KARS1: variants seen among roughly 807,000 people sequenced by gnomAD.
The protein encoded by KARS1 is lysine--tRNA ligase.
Under a neutral mutation model 63.9 loss-of-function variants are expected in KARS1, and 50 were observed. The observed-to-expected ratio is 0.78, with a 90% CI of 0.62 to 0.99. The LOEUF (loss-of-function observed/expected upper bound fraction) is 0.99. Among genes scored for constraint, KARS1 ranks in the 50% least tolerant of loss-of-function variants. The pLI, the probability that KARS1 is intolerant of heterozygous loss-of-function variation, is 0.00. For synonymous variants in KARS1, 320 were observed against 264.6 expected (o/e 1.21, Z -2.03); for missense variants, 816 against 754.5 (o/e 1.08, Z -0.95).
In KARS1 at chr16:75,631,229, A is replaced by C. The variant is rs771325159; in HGVS notation, c.1277T>G (p.Ile426Ser). Residue 426 changes from isoleucine (I) to serine (S), a missense_variant, in exon 10 of 14, where the codon ATC becomes AGC. Ile to Ser is a moderately radical substitution (Grantham distance 142). Transcript: ENST00000302445. ...GCATTCAACAGCTTTTGCCACACAG[A>C]TATCATCAAGAATTTTGCGAGTTTC... is the stretch of plus-strand genomic sequence containing the variant. ...TEETRKILDD[I>S]CVAKAVECPP... 1 of 1,614,122 alleles carries C rather than the reference A, an allele frequency of 6.2e-7. No homozygotes were observed. Among genetic ancestry groups the C allele is most frequent in the East Asian group, 2.2e-5 (1 of 44,872 alleles).
intron 3 of KARS1, among the ~76,000 whole-genome samples, chr16:75,637,900 CAAAAA>C (rs11386229): frequency 1.1e-5 from 1 of 93,778 alleles, no homozygotes; most frequent in Non-Finnish European, 2.3e-5. Context: ...AAAAAGAGAC[CAAAAA>C]AAAAAAAAAA....
intron 6 of KARS1, among the ~76,000 whole-genome samples, chr16:75,634,668 T>A (rs570953443): frequency 7.6e-4 from 116 of 152,310 alleles, no homozygotes; most frequent in African/African-American, 2.7e-3. Context: ...CTCCGCCTCC[T>A]GGGTTCACAC....
intron 3 of KARS1, 139 bp downstream of exon 3, chr16:75,640,045 T>C (rs1033634764): frequency 1.5e-5 from 11 of 743,390 alleles, no homozygotes; most frequent in Non-Finnish European, 2.7e-5. Flanking sequence ...TGTATAGATA[T>C]AATGGCACTG....
At chr16:75,645,776 G>C (rs1329927407) in intron 1 of KARS1, among the ~76,000 whole-genome samples, 2 of 145,102 alleles carry the variant, frequency 1.4e-5, no homozygotes, top group African/African-American at 5.1e-5. Context: ...GAACCCGGGA[G>C]TTGCAAGTTG....
Position 75,634,119 on chromosome 16 carries a change from G to C in KARS1, c.915+54C>G, listed in dbSNP as rs534578327. 33 of 1,587,708 alleles carry C rather than the reference G, an allele frequency of 2.1e-5. No homozygotes were observed. The African/African-American group carries it at 4.4e-4, about 21-fold the overall frequency. ...TTCTGACTATACCCATCTAGCCAGT[G>C]GTATTCCAGCTTTCTGCTTCTTTAA... On this transcript the variant is annotated intron_variant, in intron 7 of 13. Coordinates refer to ENST00000302445, the MANE Select transcript of KARS1 (RefSeq NM_005548.3).
In KARS1 at chr16:75,627,753, T is replaced by G; in HGVS notation, c.*142A>C. On this transcript the variant is annotated 3_prime_UTR_variant, in exon 14 of 14. Transcript: ENST00000302445. Reference sequence around the variant, plus strand: ...TTGGTAACAGGATTAAAAAGAAATTTTTAATTCCTTGTCTCTCTTCTGATG... The same window carrying G: ...TTGGTAACAGGATTAAAAAGAAATTGTTAATTCCTTGTCTCTCTTCTGATG... The G allele has an allele frequency of 2.9e-6, 2 of 686,218 alleles. No individual in the cohort carries two copies. Among genetic ancestry groups the G allele is most frequent in the Non-Finnish European group, 5.3e-6 (2 of 373,934 alleles). 42.5% of individuals were successfully genotyped at this position (686,218 alleles called of 1,614,324 possible).
Position 75,636,454 on chromosome 16 carries a change from C to G in KARS1, c.482G>C (p.Arg161Thr). The G allele has an allele frequency of 6.3e-7, 1 of 1,598,762 alleles. No homozygotes were observed. Among genetic ancestry groups the G allele is most frequent in the Non-Finnish European group, 8.6e-7 (1 of 1,166,012 alleles). The change falls in exon 4 of 14, where the codon AGA (arginine) becomes ACA (threonine). Residue 161 changes from arginine (R) to threonine (T), a missense_variant and splice_region_variant. Arg to Thr is a moderately conservative substitution (Grantham distance 71). Transcript: ENST00000302445. ...TCTATAACTGGGTATTTCGAGATAC[C>G]TGGAATTGGCCATGACTTGCAACTT... is the stretch of plus-strand genomic sequence containing the variant. The part of the protein sequence containing the change: ...GVKLQVMANS[R>T]NYKSEEEFIH...
At chr16:75,640,962 G>A (rs2151809896) in intron 2 of KARS1, among the ~76,000 whole-genome samples, 1 of 152,252 alleles carries the variant, frequency 6.6e-6, no homozygotes, top group Non-Finnish European at 1.5e-5. Context: ...TAGTACTCTG[G>A]GAGCCCGAGG....
chr16:75,639,482 G>A (rs1005676277), intron 3 of KARS1, among the ~76,000 whole-genome samples: 4 of 144,550 alleles, frequency 2.8e-5, no homozygotes, highest in Non-Finnish European at 6.0e-5. Flanking sequence ...TGAGGCAAGA[G>A]AATTGCTTGA....
At chr16:75,638,302 T>C (rs1484397307) in intron 3 of KARS1, among the ~76,000 whole-genome samples, 1 of 151,936 alleles carries the variant, frequency 6.6e-6, no homozygotes, top group African/African-American at 2.4e-5. Flanking sequence ...TGTGCCATGG[T>C]GGTTTGCTGT....
rs200799428 is a variant in KARS1, at chr16:75,640,393, G to C, written c.223-44C>G. On this transcript the variant is annotated intron_variant, in intron 2 of 13. Coordinates refer to ENST00000302445, the MANE Select transcript of KARS1 (RefSeq NM_005548.3). ...AAAAAGCCCTTCAGAAGTTGAACCT[G>C]GTCAGACCAGTGGGGCCCACCTAGC... The C allele has an allele frequency of 8.3e-5, 133 of 1,596,742 alleles. No individual in the cohort carries two copies. In the African/African-American group the frequency reaches 1.4e-3, roughly 17 times the overall value.
chr16:75,642,739 AG>A (rs1465575055), intron 1 of KARS1: 2 of 152,224 alleles, frequency 1.3e-5, no homozygotes, highest in Non-Finnish European at 2.9e-5. Context: ...AGTATAGTAC[AG>A]GGGGTAATAT....
chr16:75,647,172 T>C (rs2082296221), intron 1 of KARS1, among the ~76,000 whole-genome samples: 2 of 152,236 alleles, frequency 1.3e-5, no homozygotes, highest in African/African-American at 4.8e-5. Context: ...TTTGAAGGTC[T>C]TTCTGAAAAG....
At position 75,635,984 on chromosome 16, in the gene KARS1, A is replaced by C; in HGVS notation, c.597T>G (p.Ile199Met). Reference protein sequence around the residue: ...GKTKKGELSIIPYEITLLSPC... With the variant: ...GKTKKGELSIMPYEITLLSPC... ...GAGACAGCAGTGTGATCTCATACGG[A>C]ATGATGCTCAGCTCACCCTTCTTGG... Residue 199 changes from isoleucine to methionine, a missense_variant, in exon 5 of 14, where the codon ATT becomes ATG. Physicochemically the swap from Ile to Met is conservative, Grantham distance 10. Coordinates refer to ENST00000302445, the MANE Select transcript of KARS1 (RefSeq NM_005548.3). The C allele has an allele frequency of 6.2e-7, 1 of 1,614,110 alleles. No individual in the cohort carries two copies. Among genetic ancestry groups the C allele is most frequent in the African/African-American group, 1.3e-5 (1 of 75,014 alleles).
chr16:75,628,925 A>T, intron 12 of KARS1: 1 of 602,978 alleles, frequency 1.7e-6, no homozygotes. Flanking sequence ...CGACCTCAGA[A>T]CACATACAAA....
chr16:75,631,546 G>C lies in KARS1; in HGVS notation c.1122C>G (p.His374Gln). 6.2e-7 allele frequency: 1 copy of C among 1,614,160 alleles called. No homozygotes were observed. Among genetic ancestry groups the C allele is most frequent in the East Asian group, 2.2e-5 (1 of 44,876 alleles). ...AGGCTTGGCCCTCTGGGCCATCTGG[G>C]TGGTAGGTGACCTTGTAACTGCCTG... ...HITGSYKVTY[H>Q]PDGPEGQAYD... The change falls in exon 9 of 14, where the codon CAC becomes CAG. Residue 374 changes from histidine (H) to glutamine (Q), a missense_variant. Coordinates refer to ENST00000302445, the MANE Select transcript of KARS1 (RefSeq NM_005548.3).
chr16:75,645,359 T>C (rs1026244519), intron 1 of KARS1, among the ~76,000 whole-genome samples: 9 of 152,224 alleles, frequency 5.9e-5, no homozygotes, highest in African/African-American at 1.9e-4. Flanking sequence ...GGATCACTGC[T>C]AGACTATATT....
At chr16:75,642,477 C>T (rs1403524249) in intron 1 of KARS1, among the ~76,000 whole-genome samples, 1 of 152,150 alleles carries the variant, frequency 6.6e-6, no homozygotes, top group Non-Finnish European at 1.5e-5. Flanking sequence ...GCTAGGATTA[C>T]AGGTGTGAGC....
At chr16:75,639,129 T>C (rs1015062594) in intron 3 of KARS1, among the ~76,000 whole-genome samples, 9 of 150,842 alleles carry the variant, frequency 6.0e-5, no homozygotes, top group Non-Finnish European at 8.9e-5. Flanking sequence ...GATTGCGCCA[T>C]TGCACTACAG....
Sources: allele counts gnomAD v4.1 joint callset (sites outside exome capture counted in the v4.1 genomes callset), GRCh38; gene constraint gnomAD v4.1.1; transcripts MANE v1.5; gene names NCBI Gene and HGNC (gene_info 2026-07-23, HGNC 2026-07-21).